The following INVS variants were observed in gnomAD, a reference collection of about 807,000 sequenced individuals.
The protein encoded by INVS is inversin.
Under a neutral mutation model 108.8 loss-of-function variants are expected in INVS, and 86 were observed. The observed-to-expected ratio is 0.79, with a 90% CI of 0.66 to 0.95. The LOEUF (loss-of-function observed/expected upper bound fraction) is 0.95, where lower values mean the gene tolerates loss of function less well. Ranked by LOEUF, INVS falls within the 40% of genes least tolerant of loss-of-function variation. The pLI, the probability that INVS is intolerant of heterozygous loss-of-function variation, is 0.00. For synonymous variants in INVS, 455 were observed against 473.5 expected (o/e 0.96, Z 0.51); for missense variants, 1,169 against 1,297.4 (o/e 0.90, Z 1.52).
At chr9:100,178,423 C>T (rs1202874543) in intron 3 of INVS, among the ~76,000 whole-genome samples, 1 of 152,062 alleles carries the variant, frequency 6.6e-6, no homozygotes, top group African/African-American at 2.4e-5. Flanking sequence ...ACTAGAATAA[C>T]CAGTTTAGAG....
At chr9:100,148,892 TG>T (rs1683386224) in intron 3 of INVS, among the ~76,000 whole-genome samples, 3 of 152,204 alleles carry the variant, frequency 2.0e-5, no homozygotes, top group Admixed American at 6.5e-5. Context: ...ACTTTAGATC[TG>T]GGATTTGACT....
At chr9:100,226,007 A>G in intron 3 of INVS, 55 bp from the exon 4 acceptor site, 1 of 1,326,552 alleles carries the variant, frequency 7.5e-7, no homozygotes, top group Non-Finnish European at 1.1e-6. Context: ...AAAATTAAAA[A>G]AAATTTTGAC....
At chr9:100,211,918 AG>A (rs2118304225) in intron 3 of INVS, among the ~76,000 whole-genome samples, 1 of 152,348 alleles carries the variant, frequency 6.6e-6, no homozygotes, top group East Asian at 1.9e-4. Flanking sequence ...ATGGCAGGTT[AG>A]TGATGTGGTT....
At chr9:100,164,941 C>T (rs1829314444) in intron 3 of INVS, among the ~76,000 whole-genome samples, 1 of 149,580 alleles carries the variant, frequency 6.7e-6, no homozygotes, top group African/African-American at 2.5e-5. Flanking sequence ...GTGGCTTAAC[C>T]CCTGCCCTAA....
chr9:100,154,194 C>T (rs1335839447), intron 3 of INVS, among the ~76,000 whole-genome samples: 1 of 152,052 alleles, frequency 6.6e-6, no homozygotes, highest in African/African-American at 2.4e-5. Context: ...GACAGGATCT[C>T]ACTCTGTTAC....
chr9:100,272,868 A>T lies in INVS; in HGVS notation c.1576A>T (p.Thr526Ser), dbSNP rs1050540680. The change falls in exon 12 of 17, where the codon ACA (threonine) becomes TCA (serine). Residue 526 changes from threonine (T) to serine (S), a missense_variant. Coordinates refer to ENST00000262457, the MANE Select transcript of INVS (RefSeq NM_014425.5). ...GAAATCTTCCTCCCACTTCAGATAC[A>T]CACCCCTTGATTATGCTTTGCTTGG... is the stretch of plus-strand genomic sequence containing the variant. ...NQMENNEERY[T>S]PLDYALLGER... The T allele has an allele frequency of 6.2e-7, 1 of 1,613,788 alleles. No individual in the cohort carries two copies. Among genetic ancestry groups the T allele is most frequent in the Admixed American group, 1.7e-5 (1 of 60,008 alleles).
intron 5 of INVS, 62 bp from the exon 6 acceptor site, chr9:100,239,998 C>T: frequency 7.0e-7 from 1 of 1,435,922 alleles, no homozygotes; most frequent in East Asian, 2.3e-5. Flanking sequence ...AAAATACTTA[C>T]ACCAAATGTA....
chr9:100,254,808 T>A (rs1832361095), intron 10 of INVS, among the ~76,000 whole-genome samples: 1 of 152,200 alleles, frequency 6.6e-6, no homozygotes, highest in South Asian at 2.1e-4. Flanking sequence ...CATGCTGTTT[T>A]GGTTACTGTA....
intron 10 of INVS, among the ~76,000 whole-genome samples, chr9:100,258,855 T>C (rs1340181595): frequency 2.0e-5 from 3 of 152,198 alleles, no homozygotes; most frequent in South Asian, 2.1e-4. Flanking sequence ...CGTTAGGCTA[T>C]TGGGGGTCAG....
intron 3 of INVS, among the ~76,000 whole-genome samples, chr9:100,139,142 G>A (rs1828337141): frequency 6.6e-6 from 1 of 152,178 alleles, no homozygotes; most frequent in Non-Finnish European, 1.5e-5. Flanking sequence ...ATTTGTTGTT[G>A]TTGTTTTCAT....
chr9:100,289,912 A>G (rs1035733954), intron 13 of INVS, among the ~76,000 whole-genome samples: 4 of 152,194 alleles, frequency 2.6e-5, no homozygotes, highest in South Asian at 2.1e-4. Context: ...TTATGTAAGA[A>G]TATGTTTAGT....
chr9:100,133,144 A>C (rs902643494), intron 3 of INVS, among the ~76,000 whole-genome samples: 11 of 152,156 alleles, frequency 7.2e-5, no homozygotes, highest in African/African-American at 2.4e-4. Context: ...GAGAACTGAG[A>C]AAACATTAGG....
intron 10 of INVS, among the ~76,000 whole-genome samples, chr9:100,259,394 T>G (rs1054844530): frequency 6.6e-6 from 1 of 151,960 alleles, no homozygotes; most frequent in Non-Finnish European, 1.5e-5. Flanking sequence ...GCCCCACCCT[T>G]CTTTGGCTCA....
intron 10 of INVS, among the ~76,000 whole-genome samples, chr9:100,260,047 T>A (rs2118604430): frequency 6.8e-6 from 1 of 148,052 alleles, no homozygotes; most frequent in South Asian, 2.2e-4. Context: ...AATTGTTGTA[T>A]TTTTAGTAGA....
At chr9:100,195,278 T>C (rs1830338855) in intron 3 of INVS, among the ~76,000 whole-genome samples, 1 of 152,230 alleles carries the variant, frequency 6.6e-6, no homozygotes, top group Non-Finnish European at 1.5e-5. Context: ...TATTGTCAAA[T>C]GCCTTTTCTA....
At chr9:100,289,706 C>T (rs893554013) in intron 13 of INVS, among the ~76,000 whole-genome samples, 3 of 152,146 alleles carry the variant, frequency 2.0e-5, no homozygotes, top group African/African-American at 7.2e-5. Flanking sequence ...ATATATTGTT[C>T]TCAGAGCAGT....
intron 4 of INVS, 36 bp from the exon 5 acceptor site, chr9:100,229,624 T>C: frequency 6.2e-7 from 1 of 1,600,592 alleles, no homozygotes; most frequent in Admixed American, 1.7e-5. Context: ...AGTTAGTTGT[T>C]ACTGTTGTTA....
chr9:100,122,723 A>G (rs558412130), intron 2 of INVS, among the ~76,000 whole-genome samples: 367 of 151,652 alleles, frequency 2.4e-3, no homozygotes, highest in Middle Eastern at 6.8e-3. Context: ...GGCTGGGACT[A>G]CAGGCACCTG....
intron 8 of INVS, among the ~76,000 whole-genome samples, chr9:100,249,188 A>C (rs1251782873): frequency 1.3e-5 from 2 of 152,188 alleles, no homozygotes; most frequent in East Asian, 3.9e-4. Context: ...AGTGGTTCTG[A>C]CTAAATCAGA....
Sources: allele counts gnomAD v4.1 joint callset (sites outside exome capture counted in the v4.1 genomes callset), GRCh38; gene constraint gnomAD v4.1.1; transcripts MANE v1.5; gene names NCBI Gene and HGNC (gene_info 2026-07-23, HGNC 2026-07-21).